MARVELD2: variants seen among roughly 807,000 people sequenced by gnomAD.
MARVELD2 encodes MARVEL domain-containing protein 2.
A neutral mutation model predicts 57.6 loss-of-function variants in MARVELD2; 49 were observed. The ratio of observed to expected loss-of-function variants is 0.85; its 90% CI spans 0.68 to 1.08. The LOEUF (loss-of-function observed/expected upper bound fraction) is 1.08, where lower values mean the gene tolerates loss of function less well. Ranked by LOEUF, MARVELD2 falls within the 50% of genes least tolerant of loss-of-function variation. The probability of loss-of-function intolerance (pLI) is 0.00; values close to 1 mark genes in which losing one functional copy is unlikely to be tolerated. For missense variants in MARVELD2, 606 were observed against 701.1 expected, an observed-to-expected ratio of 0.86 and a Z score of 1.53; for synonymous variants, 238 against 258.8, an observed-to-expected ratio of 0.92 and a Z score of 0.77.
At chr5:69,416,345 T>C (rs1330718782) in intron 1 of MARVELD2, among the ~76,000 whole-genome samples, 1 of 152,250 alleles carries the variant, frequency 6.6e-6, no homozygotes, top group Admixed American at 6.5e-5. Flanking sequence ...TTGGGCACCC[T>C]GCTGGGGCCA....
intron 1 of MARVELD2, among the ~76,000 whole-genome samples, chr5:69,418,129 C>T (rs1766486968): frequency 6.6e-6 from 1 of 151,830 alleles, no homozygotes; most frequent in South Asian, 2.1e-4. Flanking sequence ...ATAAATAAAA[C>T]AATAACAAAA....
chr5:69,434,377 T>G (rs907438292), intron 5 of MARVELD2, among the ~76,000 whole-genome samples: 1 of 151,302 alleles, frequency 6.6e-6, no homozygotes, highest in African/African-American at 2.4e-5. Context: ...AAGGATTGCC[T>G]GAACCCAGGA....
At chr5:69,429,803 G>A (rs990883397) in intron 3 of MARVELD2, among the ~76,000 whole-genome samples, 2 of 145,856 alleles carry the variant, frequency 1.4e-5, no homozygotes, top group Non-Finnish European at 3.0e-5. Flanking sequence ...ATATGATCTC[G>A]CCACTGCACT....
In MARVELD2 at chr5:69,432,510, T is replaced by G; in HGVS notation, c.1183-17T>G. On this transcript the variant is annotated splice_polypyrimidine_tract_variant and intron_variant, in intron 3 of 6. Transcript: ENST00000325631. ...CTTATGTTTATTAACAAATCCTCTTTTTCTCCCTAACTGCAGTGTGAAATG... is the reference window on the plus strand; with the variant it reads ...CTTATGTTTATTAACAAATCCTCTTGTTCTCCCTAACTGCAGTGTGAAATG... 1.2e-6 allele frequency: 2 copies of G among 1,613,742 alleles called. No individual in the cohort carries two copies. Among genetic ancestry groups the G allele is most frequent in the Non-Finnish European group, 1.7e-6 (2 of 1,179,650 alleles).
chr5:69,419,792 C>T lies in MARVELD2; in HGVS notation c.407C>T (p.Pro136Leu). 1.2e-6 allele frequency: 2 copies of T among 1,614,192 alleles called. No individual in the cohort carries two copies. Among genetic ancestry groups the T allele is most frequent in the Non-Finnish European group, 1.7e-6 (2 of 1,180,042 alleles). ...HRSPLNSCKD[P>L]YGGSEGTFSS... The stretch of plus-strand genomic sequence containing the variant: ...TCGCCCCTCAACTCCTGCAAAGATC[C>T]CTACGGAGGGTCAGAAGGAACCTTT... Residue 136 changes from proline to leucine, a missense_variant, in exon 2 of 7, where the codon CCC becomes CTC. Transcript: ENST00000325631.
Position 69,442,028 on chromosome 5 carries a change from A to C in MARVELD2, c.*374A>C, listed in dbSNP as rs1371624844. The C allele has an allele frequency of 1.8e-5, 3 of 166,246 alleles. No individual in the cohort carries two copies. Among genetic ancestry groups the C allele is most frequent in the Non-Finnish European group, 2.6e-5 (2 of 76,696 alleles). The allele number at this position is 166,246 out of a possible 1,614,324, so 10.3% of individuals were successfully genotyped here. On this transcript the variant is annotated 3_prime_UTR_variant, in exon 7 of 7. Coordinates refer to ENST00000325631, the MANE Select transcript of MARVELD2 (RefSeq NM_001038603.3). ...CTTCCAATTGGTTTAACCAGTATGC[A>C]ACATTAAAGATTTTACTCAGACATT... is the stretch of plus-strand genomic sequence containing the variant.
intron 3 of MARVELD2, among the ~76,000 whole-genome samples, chr5:69,429,129 C>T (rs954223166): frequency 6.6e-6 from 1 of 152,146 alleles, no homozygotes; most frequent in Non-Finnish European, 1.5e-5. Context: ...AGTGGCGAGG[C>T]ATGCTTTCTA....
At chr5:69,425,345 G>T (rs1285772793) in intron 3 of MARVELD2, among the ~76,000 whole-genome samples, 3 of 149,886 alleles carry the variant, frequency 2.0e-5, no homozygotes, top group Non-Finnish European at 3.0e-5. Context: ...GTATACATAT[G>T]TGACTAACCT....
At chr5:69,432,737 A>T in intron 4 of MARVELD2, 62 bp downstream of exon 4, 1 of 1,609,968 alleles carries the variant, frequency 6.2e-7, no homozygotes, top group Non-Finnish European at 8.5e-7. Context: ...TGGTCCTTTC[A>T]TTTTCCAGTT....
Position 69,441,586 on chromosome 5 carries a change from T to C in MARVELD2, c.1609T>C (p.Ser537Pro). 2 of 1,602,762 alleles carry C rather than the reference T, an allele frequency of 1.2e-6. No individual in the cohort carries two copies. The highest frequency in any genetic ancestry group is 8.5e-7 in the Non-Finnish European group (1 of 1,170,156). ...ERCDYLKNKL[S>P]HIKQRIQEYD... ...CTGTGATTACCTAAAGAATAAACTT[T>C]CTCACATAAAGCAAAGAATTCAAGA... The change falls in exon 7 of 7, where the codon TCT (serine) becomes CCT (proline). Residue 537 changes from serine to proline, a missense_variant. Transcript: ENST00000325631.
intron 1 of MARVELD2, among the ~76,000 whole-genome samples, chr5:69,416,553 A>G (rs767657763): frequency 2.6e-5 from 4 of 152,318 alleles, no homozygotes; most frequent in Non-Finnish European, 4.4e-5. Context: ...AGAATGAGGT[A>G]TAGATAGATA....
intron 3 of MARVELD2, among the ~76,000 whole-genome samples, chr5:69,425,682 A>G (rs962524275): frequency 6.6e-6 from 1 of 151,322 alleles, no homozygotes; most frequent in Non-Finnish European, 1.5e-5. Context: ...TCAGATGCCA[A>G]ATTTTTTACT....
rs759725955 is a variant in MARVELD2, at chr5:69,419,997, G to A, written c.612G>A (p.Gly204=). The change falls in exon 2 of 7, where the codon GGG becomes GGA. Residue 204 remains glycine, a synonymous_variant. Coordinates refer to ENST00000325631, the MANE Select transcript of MARVELD2 (RefSeq NM_001038603.3). ...RILGVVELLL[G]AGVFACVTAY... ...TGGGTGTGGTGGAGCTGCTTTTGGG[G>A]GCCGGTGTCTTTGCTTGTGTCACAG... is the stretch of plus-strand genomic sequence containing the variant. 3.2e-5 allele frequency: 52 copies of A among 1,614,004 alleles called. No homozygotes were observed. The South Asian group carries it at 5.2e-4, about 16-fold the overall frequency.
intron 6 of MARVELD2, among the ~76,000 whole-genome samples, chr5:69,441,074 C>A (rs1006217845): frequency 2.0e-5 from 3 of 151,928 alleles, no homozygotes; most frequent in Non-Finnish European, 4.4e-5. Context: ...CAAAGTGAAA[C>A]CCTGTCTCAA....
chr5:69,429,052 C>T (rs143001890), intron 3 of MARVELD2, among the ~76,000 whole-genome samples: 1 of 152,050 alleles, frequency 6.6e-6, no homozygotes, highest in Non-Finnish European at 1.5e-5. Context: ...CTAAAAATAT[C>T]CTGGCTTAAT....
chr5:69,430,925 A>C (rs1202231527), intron 3 of MARVELD2, among the ~76,000 whole-genome samples: 2 of 147,106 alleles, frequency 1.4e-5, no homozygotes, highest in African/African-American at 5.0e-5. Flanking sequence ...TTCTGTTTTT[A>C]ATTTTTTTTT....
At chr5:69,435,016 T>C (rs928752862) in intron 5 of MARVELD2, among the ~76,000 whole-genome samples, 4 of 145,040 alleles carry the variant, frequency 2.8e-5, no homozygotes, top group African/African-American at 1.0e-4. Flanking sequence ...TTTAATCAGA[T>C]GTACTCTTTT....
At chr5:69,421,941 A>G (rs1766642948) in intron 2 of MARVELD2, among the ~76,000 whole-genome samples, 1 of 151,976 alleles carries the variant, frequency 6.6e-6, no homozygotes, top group Non-Finnish European at 1.5e-5. Context: ...GACATTTATT[A>G]ATTCCCCAAA....
At position 69,421,794 on chromosome 5, in the gene MARVELD2, C is replaced by CTT. The variant is rs1409875482; in HGVS notation, c.1146+1279_1146+1280dup. 3.5e-3 allele frequency among the ~76,000 whole-genome samples: 468 copies of CTT among 132,858 alleles called. 2 individuals are homozygous for CTT. The highest frequency in any genetic ancestry group is 0.012 in the Middle Eastern group (3 of 244). 87.2% of individuals were successfully genotyped at this position (132,858 alleles called of 152,430 possible). A position where few individuals can be genotyped will look rare whatever the true frequency, so the allele number is the denominator to read the frequency against. ...TGGTTTTTTTAATTTTCTTTTCTTT[C>CTT]TTTTTTTTTTTTTTTTTGAGACAGA... On this transcript the variant is annotated intron_variant, in intron 2 of 6. Transcript: ENST00000325631.
Sources: gnomAD v4.1 joint callset for allele counts (sites outside exome capture counted in the v4.1 genomes callset) on GRCh38, gnomAD v4.1.1 for gene constraint, MANE v1.5 for transcripts, NCBI Gene and HGNC (gene_info 2026-07-23, HGNC 2026-07-21) for gene names.